The following XPA variants were observed in gnomAD, a reference collection of about 807,000 sequenced individuals.
XPA encodes DNA repair protein complementing XP-A cells.
XPA carries 27 observed loss-of-function variants against 35.7 expected under a neutral mutation model. That is an observed-to-expected ratio of 0.76 (90% confidence interval 0.56 to 1.04). The LOEUF (loss-of-function observed/expected upper bound fraction) is 1.04, where lower values mean the gene tolerates loss of function less well. Among genes scored for constraint, XPA ranks in the 50% least tolerant of loss-of-function variants. The pLI is 0.00. For synonymous variants in XPA, 133 were observed against 118.4 expected (o/e 1.12, Z -0.80); for missense variants, 354 against 342.7 (o/e 1.03, Z -0.26).
At chr9:97,677,752 CT>C (rs58412433) in intron 5 of XPA, among the ~76,000 whole-genome samples, 16 of 147,858 alleles carry the variant, frequency 1.1e-4, no homozygotes, top group African/African-American at 7.4e-5. Flanking sequence ...TTGGGTTTTT[CT>C]TTTTTTTTTA....
the XPA span, chr9:97,667,020 A>T: frequency 1.7e-6 from 1 of 595,598 alleles, no homozygotes; most frequent in Admixed American, 3.5e-5. Flanking sequence ...AGCCCAATTT[A>T]ATGCAGAAGC....
In XPA at chr9:97,697,272, A is replaced by C. The variant is rs1274575319; in HGVS notation, c.21T>G (p.Ala7=). 2 of 1,598,794 alleles carry C rather than the reference A, an allele frequency of 1.3e-6. No homozygotes were observed. Among genetic ancestry groups the C allele is most frequent in the Admixed American group, 1.7e-5 (1 of 59,960 alleles). The change falls in exon 1 of 6, where the codon GCT becomes GCG. Residue 7 remains alanine, a synonymous_variant. Transcript: ENST00000375128. Reference sequence around the variant, plus strand: ...GCTCTAAAGCCGCCGCCTCCGGCAAAGCCCCGTCGGCCGCCGCCATCTCTG... The same window carrying C: ...GCTCTAAAGCCGCCGCCTCCGGCAACGCCCCGTCGGCCGCCGCCATCTCTG... MAAADG[A]LPEAAALEQP... is the part of the protein sequence containing the mutation.
At position 97,675,001 on chromosome 9, in the gene XPA, G is replaced by A. The variant is rs1251171116; in HGVS notation, c.*438C>T. 12 of 525,492 alleles carry A rather than the reference G, an allele frequency of 2.3e-5. No individual in the cohort carries two copies. Among genetic ancestry groups the A allele is most frequent in the Admixed American group, 2.0e-4 (9 of 44,706 alleles). The allele number at this position is 525,492 out of a possible 1,614,324, so 32.6% of individuals were successfully genotyped here. A position where few individuals can be genotyped will look rare whatever the true frequency, so the allele number is the denominator to read the frequency against. On this transcript the variant is annotated 3_prime_UTR_variant, in exon 6 of 6. Transcript: ENST00000375128. ...TTCCACCATCGTGGAGACAGAAATC[G>A]TCCTAAAAAACACATGACTAGAACC...
chr9:97,658,794 T>C, the XPA span: 1 of 1,340,370 alleles, frequency 7.5e-7, no homozygotes, highest in Non-Finnish European at 1.1e-6. Context: ...AGTTCAAGTA[T>C]ATCTGAAGTT....
At chr9:97,654,933 C>A in the XPA span, 1 of 1,607,888 alleles carries the variant, frequency 6.2e-7, no homozygotes, top group South Asian at 1.1e-5. Flanking sequence ...TGAACACTAC[C>A]TGTGTAGACA....
At chr9:97,658,577 C>T in the XPA span, 40,523 of 1,230,688 alleles carry the variant, frequency 0.033, 5,500 homozygotes, top group African/African-American at 0.36. Flanking sequence ...CCAGGTAAGT[C>T]GGGTGTTACC....
chr9:97,660,926 A>AC, the XPA span: 1 of 1,599,040 alleles, frequency 6.3e-7, no homozygotes, highest in South Asian at 1.1e-5. Flanking sequence ...CATTCCCCTT[A>AC]CCCCCAATTC....
chr9:97,654,641 A>C, the XPA span, among the ~76,000 whole-genome samples: 1 of 152,000 alleles, frequency 6.6e-6, no homozygotes, highest in Non-Finnish European at 1.5e-5. Flanking sequence ...GGGCATGGGG[A>C]AATTTGGGAG....
chr9:97,676,869 CTTCAT>C (rs1266027823), intron 5 of XPA, among the ~76,000 whole-genome samples: 1 of 152,132 alleles, frequency 6.6e-6, no homozygotes, highest in Non-Finnish European at 1.5e-5. Context: ...CATCCAAACT[CTTCAT>C]TTCTTTCAGC....
intron 2 of XPA, among the ~76,000 whole-genome samples, chr9:97,692,771 A>G (rs3176655): frequency 0.011 from 1,662 of 152,326 alleles, 37 homozygotes; most frequent in African/African-American, 0.037. Flanking sequence ...TAATTATTTC[A>G]TTATATATTA....
rs551643193 is a variant in XPA at position 97,685,828 on chromosome 9, A to G, written c.556-788T>C. Among the ~76,000 whole-genome samples, 8 of 152,314 alleles carry G rather than the reference A, an allele frequency of 5.3e-5. No homozygotes were observed. The East Asian group carries it at 1.3e-3, about 26-fold the overall frequency. On this transcript the variant is annotated intron_variant, in intron 4 of 5. Coordinates refer to ENST00000375128, the MANE Select transcript of XPA (RefSeq NM_000380.4). ...ACTTAATGGTACTTTAACAACTGTG[A>G]GTCAAAAAGTGGTGCAGAAGAATTG...
chr9:97,664,906 G>C, the XPA span, among the ~76,000 whole-genome samples: 1 of 152,156 alleles, frequency 6.6e-6, no homozygotes, highest in African/African-American at 2.4e-5. Context: ...CTGAGGGATG[G>C]GGGAAAGGGG....
chr9:97,683,979 A>C (rs373492127), intron 5 of XPA, among the ~76,000 whole-genome samples: 11 of 152,228 alleles, frequency 7.2e-5, no homozygotes, highest in Non-Finnish European at 1.6e-4. Flanking sequence ...AGTATGTGTT[A>C]TCTCTACACA....
At chr9:97,670,376 C>T (rs1010054054), downstream of XPA, among the ~76,000 whole-genome samples, 1 of 152,156 alleles carries the variant, frequency 6.6e-6, no homozygotes, top group Admixed American at 6.5e-5. Context: ...GGTAAGCTCC[C>T]TGGGGTCTCT....
chr9:97,661,515 A>G, the XPA span, among the ~76,000 whole-genome samples: 1 of 152,228 alleles, frequency 6.6e-6, no homozygotes, highest in Admixed American at 6.5e-5. Context: ...AATAATTTAT[A>G]CAGTTGCCTG....
intron 5 of XPA, among the ~76,000 whole-genome samples, chr9:97,684,588 G>C (rs996948255): frequency 6.6e-6 from 1 of 152,168 alleles, no homozygotes; most frequent in African/African-American, 2.4e-5. Context: ...TGGTAGGTGT[G>C]TTTTTTATAA....
the XPA span, among the ~76,000 whole-genome samples, chr9:97,659,484 C>A: frequency 6.6e-6 from 1 of 152,154 alleles, no homozygotes; most frequent in Non-Finnish European, 1.5e-5. Flanking sequence ...CTGTGTCGGT[C>A]CTGGTACATT....
chr9:97,671,499 T>C (rs1258688982), downstream of XPA: 2 of 277,762 alleles, frequency 7.2e-6, no homozygotes, highest in East Asian at 8.9e-5. Context: ...GTTTGAGGTA[T>C]GTGAAACACT....
chr9:97,672,855 G>A (rs112680623), downstream of XPA: 18,047 of 153,638 alleles, frequency 0.12, 3,027 homozygotes, highest in African/African-American at 0.37. Flanking sequence ...TGGGCTGGGC[G>A]CAGTGGCTCA....
Sources: allele counts gnomAD v4.1 joint callset (sites outside exome capture counted in the v4.1 genomes callset), GRCh38; gene constraint gnomAD v4.1.1; transcripts MANE v1.5; gene names NCBI Gene and HGNC (gene_info 2026-07-23, HGNC 2026-07-21).